Variants in HTT observed in about 807,000 individuals in gnomAD.
The protein encoded by HTT is huntingtin, also known as huntington disease protein.
HTT carries 104 observed loss-of-function variants against 362.3 expected under a neutral mutation model. That is an observed-to-expected ratio of 0.29 (90% confidence interval 0.24 to 0.34). The LOEUF (loss-of-function observed/expected upper bound fraction) is 0.34. Among genes scored for constraint, HTT ranks in the 10% least tolerant of loss-of-function variants. The pLI is 1.00. For synonymous variants in HTT, 1,577 were observed against 1,548.7 expected (o/e 1.02, Z -0.43); for missense variants, 3,301 against 3,928.6 (o/e 0.84, Z 4.27).
intron 3 of HTT, among the ~76,000 whole-genome samples, chr4:3,100,562 C>A (rs1714102793): frequency 6.6e-6 from 1 of 152,220 alleles, no homozygotes. Flanking sequence ...GCTTTGCTCG[C>A]ATCTCACTTA....
At position 3,206,298 on chromosome 4, in the gene HTT, G is replaced by A. The variant is rs557897234; in HGVS notation, c.5719-198G>A. Among the ~76,000 whole-genome samples the A allele has an allele frequency of 6.6e-5, 10 of 152,362 alleles. No homozygotes were observed. The highest frequency in any genetic ancestry group is 3.4e-3 in the Middle Eastern group (1 of 294). ...CTTCACACAGCCTCTGCCGCAGTGC[G>A]TGGTTGGAGGTGACGGCCTTGGTAA... On this transcript the variant is annotated intron_variant, in intron 42 of 66. Transcript: ENST00000355072. The surrounding 1 kb of genome is among the most constrained non-coding windows in gnomAD (Gnocchi z 4.6).
chr4:3,103,370 G>A (rs1436134316), intron 3 of HTT, among the ~76,000 whole-genome samples: 3 of 151,148 alleles, frequency 2.0e-5, no homozygotes, highest in South Asian at 2.1e-4. Flanking sequence ...GATTACAGGC[G>A]CCCACCACCA....
Position 3,131,626 on chromosome 4 carries a change from AT to A in HTT, c.2099-9del, listed in dbSNP as rs1174898572. 1 of 1,609,986 alleles carries A rather than the reference AT, an allele frequency of 6.2e-7. No individual in the cohort carries two copies. The highest frequency in any genetic ancestry group is 1.7e-5 in the Admixed American group (1 of 59,480). Reference sequence around the variant, plus strand: ...TTTGAGGCTGAAGGTGGCTTGGGTGATTTCTTGGCAGTGCTGGTTCCGGACA... The same window carrying A: ...TTTGAGGCTGAAGGTGGCTTGGGTGATTCTTGGCAGTGCTGGTTCCGGACA... On this transcript the variant is annotated splice_polypyrimidine_tract_variant and intron_variant, in intron 15 of 66. Transcript: ENST00000355072.
At chr4:3,079,104 C>T (rs1182671555) in intron 1 of HTT, among the ~76,000 whole-genome samples, 1 of 151,890 alleles carries the variant, frequency 6.6e-6, no homozygotes, top group African/African-American at 2.4e-5. Flanking sequence ...CCATGATGAG[C>T]AGGCTGGTCT....
At chr4:3,183,242 C>T (rs1441424770) in intron 37 of HTT, among the ~76,000 whole-genome samples, 1 of 152,200 alleles carries the variant, frequency 6.6e-6, no homozygotes, top group South Asian at 2.1e-4. Context: ...TCCACAACTG[C>T]AGTGGAAGGA....
At chr4:3,096,807 C>G (rs1241177748) in intron 2 of HTT, among the ~76,000 whole-genome samples, 1 of 152,188 alleles carries the variant, frequency 6.6e-6, no homozygotes, top group East Asian at 1.9e-4. Flanking sequence ...TTGAAAATGA[C>G]AAGCAAATGG....
chr4:3,161,256 C>CT (rs1474114955), intron 29 of HTT, among the ~76,000 whole-genome samples: 2 of 152,234 alleles, frequency 1.3e-5, no homozygotes, highest in East Asian at 3.9e-4. Context: ...TGAACTCATC[C>CT]TTTTTTATGG....
intron 26 of HTT, among the ~76,000 whole-genome samples, chr4:3,149,636 T>C (rs538701568): frequency 6.6e-6 from 1 of 152,294 alleles, no homozygotes; most frequent in South Asian, 2.1e-4. Context: ...TTACTGTTTA[T>C]ATCTGATTAC....
intron 1 of HTT, among the ~76,000 whole-genome samples, 182 bp from the exon 2 acceptor site, chr4:3,086,757 A>G (rs1165736249): frequency 6.6e-6 from 1 of 152,202 alleles, no homozygotes; most frequent in East Asian, 1.9e-4. Flanking sequence ...GTAGCTTGAC[A>G]GCCATTGGTG....
chr4:3,108,157 T>C (rs895098271), intron 6 of HTT, among the ~76,000 whole-genome samples: 1 of 152,058 alleles, frequency 6.6e-6, no homozygotes, highest in Non-Finnish European at 1.5e-5. Context: ...GAGAGTAAAA[T>C]AAAGGAATAT....
rs1357618898 is a variant in HTT at position 3,178,334 on chromosome 4, C to G, written c.4500C>G (p.Phe1500Leu). 3.7e-6 allele frequency: 6 copies of G among 1,610,222 alleles called. No individual in the cohort carries two copies. Among genetic ancestry groups the G allele is most frequent in the Non-Finnish European group, 5.1e-6 (6 of 1,176,936 alleles). ...CAATCATTCCAAACATCTTTTTCTT[C>G]TTGGTATTACTATCTTATGAACGCT... ...SEAIIPNIFF[F>L]LVLLSYERYH... Residue 1500 changes from phenylalanine to leucine, a missense_variant, in exon 35 of 67, where the codon TTC becomes TTG. Transcript: ENST00000355072.
intron 16 of HTT, among the ~76,000 whole-genome samples, chr4:3,132,214 A>G (rs1219504491): frequency 6.6e-6 from 1 of 152,108 alleles, no homozygotes; most frequent in Admixed American, 6.5e-5. Flanking sequence ...GTGAGAGGGT[A>G]CACTTGTGTT....
In HTT at chr4:3,074,945, ACCGCCGCCGCCGCCG is replaced by A. The variant is rs772429544; in HGVS notation, c.129_143del (p.Pro45_Pro49del). The A allele has an allele frequency of 1.3e-5, 16 of 1,209,100 alleles. No individual in the cohort carries two copies. The highest frequency in any genetic ancestry group is 1.7e-5 in the Non-Finnish European group (15 of 898,616). The allele number at this position is 1,209,100 out of a possible 1,614,324, so 74.9% of individuals were successfully genotyped here. On this transcript the variant is annotated inframe_deletion, in exon 1 of 67. Coordinates refer to ENST00000355072, the MANE Select transcript of HTT (RefSeq NM_001388492.1). ...AGCAGCAGCAGCAGCAACAGCCGCC[ACCGCCGCCGCCGCCG>A]CCGCCGCCTCCTCAGCTTCCTCAGC...
intron 41 of HTT, among the ~76,000 whole-genome samples, chr4:3,200,245 C>T (rs941367834): frequency 2.0e-5 from 3 of 152,194 alleles, no homozygotes; most frequent in Non-Finnish European, 4.4e-5. Context: ...CTACTAAGTT[C>T]TAGTCCTTAA....
At chr4:3,239,013 T>G in intron 66 of HTT, 35 bp downstream of exon 66, 1 of 1,572,148 alleles carries the variant, frequency 6.4e-7, no homozygotes, top group Non-Finnish European at 8.6e-7. Context: ...TGGCCCCGTT[T>G]CCCTTGTCAA....
intron 12 of HTT, chr4:3,128,259 T>C (rs1360059173): frequency 1.3e-5 from 2 of 152,466 alleles, no homozygotes. Context: ...TTTGAGTTCT[T>C]CCCTGGAGAC....
chr4:3,217,651 T>G, intron 51 of HTT, 114 bp from the exon 52 acceptor site: 6 of 869,282 alleles, frequency 6.9e-6, no homozygotes, highest in Non-Finnish European at 9.0e-6. Flanking sequence ...CAACTCAGAG[T>G]CTAAGTGGAT....
chr4:3,156,219 A>G (rs1578545963), intron 27 of HTT, among the ~76,000 whole-genome samples: 1 of 152,102 alleles, frequency 6.6e-6, no homozygotes, highest in Non-Finnish European at 1.5e-5. Context: ...TCCCAGGTTC[A>G]AGCAATTCTC....
Position 3,218,078 on chromosome 4 carries a change from G to A in HTT, c.7242+126G>A. On this transcript the variant is annotated intron_variant, in intron 52 of 66. Coordinates refer to ENST00000355072, the MANE Select transcript of HTT (RefSeq NM_001388492.1). The surrounding 1 kb of genome is among the most constrained non-coding windows in gnomAD (Gnocchi z 4.4). Reference sequence around the variant, plus strand: ...CCAGAGGCTGCCTGCTGTGGTTCTGGTGCCCACTGTGGTTCTGGTGCCAGG... The same window carrying A: ...CCAGAGGCTGCCTGCTGTGGTTCTGATGCCCACTGTGGTTCTGGTGCCAGG... 8.9e-6 allele frequency: 7 copies of A among 782,258 alleles called. No individual in the cohort carries two copies. The highest frequency in any genetic ancestry group is 1.4e-5 in the Non-Finnish European group (7 of 507,916). 48.5% of individuals were successfully genotyped at this position (782,258 alleles called of 1,614,324 possible).
Sources: gnomAD v4.1 joint callset for allele counts (sites outside exome capture counted in the v4.1 genomes callset) on GRCh38, gnomAD v4.1.1 for gene constraint, Gnocchi (gnomAD v3.1) non-coding constraint, MANE v1.5 for transcripts, NCBI Gene and HGNC (gene_info 2026-07-23, HGNC 2026-07-21) for gene names.